The following PLEKHG4B variants were observed in gnomAD, a reference collection of about 807,000 sequenced individuals.
The protein encoded by PLEKHG4B is pleckstrin homology domain-containing family G member 4B.
Under a neutral mutation model 121.3 loss-of-function variants are expected in PLEKHG4B, and 111 were observed. The ratio of observed to expected loss-of-function variants is 0.92; its 90% CI spans 0.78 to 1.07. PLEKHG4B has a LOEUF of 1.07. PLEKHG4B is among the 50% of genes least tolerant of loss of function. The pLI is 0.00. For missense variants in PLEKHG4B, 1,831 were observed against 1,757.8 expected (o/e 1.04, Z -0.74); for synonymous variants, 738 against 725.0 (o/e 1.02, Z -0.29).
chr5:139,458 T>G lies in PLEKHG4B; in HGVS notation c.244-25T>G. 1 of 398,876 alleles carries G rather than the reference T, an allele frequency of 2.5e-6. No individual in the cohort carries two copies. Among genetic ancestry groups the G allele is most frequent in the Non-Finnish European group, 4.4e-6 (1 of 226,150 alleles). The allele number at this position is 398,876 out of a possible 1,614,324, so 24.7% of individuals were successfully genotyped here. On this transcript the variant is annotated intron_variant, in intron 2 of 19. Coordinates refer to ENST00000637938, the MANE Select transcript of PLEKHG4B (RefSeq NM_052909.5). This position sits in a 1 kb window ranked among gnomAD's most constrained non-coding sequence, Gnocchi z 5.0. ...CTCAGGACATGGCCGTGCCCACCAC[T>G]AACCTCCCTCCTCTCTTGTCTCAGG...
At position 140,638 on chromosome 5, in the gene PLEKHG4B, G is replaced by C. The variant is rs760749123; in HGVS notation, c.1399G>C (p.Gly467Arg). 2 of 1,609,362 alleles carry C rather than the reference G, an allele frequency of 1.2e-6. No individual in the cohort carries two copies. The highest frequency in any genetic ancestry group is 1.7e-5 in the Admixed American group (1 of 59,644). ...CCACCACTCAGCAGGCTCCAGGCCT[G>C]GGGGCCACCTAGGAGGACAAGCTGT... is the stretch of plus-strand genomic sequence containing the variant. ...TSHHSAGSRP[G>R]GHLGGQAVGT... The change falls in exon 3 of 20, where the codon GGG becomes CGG. Residue 467 changes from glycine to arginine, a missense_variant. Transcript: ENST00000637938.
At chr5:144,995 G>C (rs980941560) in intron 6 of PLEKHG4B, 75 bp downstream of exon 6, 7 of 1,407,328 alleles carry the variant, frequency 5.0e-6, no homozygotes, top group Non-Finnish European at 6.9e-6. Context: ...TGCCCACATC[G>C]TGGTTCTGGA....
At chr5:172,102 G>A (rs1396999031) in intron 16 of PLEKHG4B, among the ~76,000 whole-genome samples, 1 of 152,234 alleles carries the variant, frequency 6.6e-6, no homozygotes, top group Non-Finnish European at 1.5e-5. Flanking sequence ...GTGGAGGGTG[G>A]GACCCCACAT....
In PLEKHG4B at chr5:141,466, G is replaced by A. The variant is rs145640043; in HGVS notation, c.1477+750G>A. Among the ~76,000 whole-genome samples the A allele has an allele frequency of 1.6e-3, 236 of 150,018 alleles. 1 individual carries two copies. The Middle Eastern group carries it at 0.017, about 11-fold the overall frequency. On this transcript the variant is annotated intron_variant, in intron 3 of 19. Coordinates refer to ENST00000637938, the MANE Select transcript of PLEKHG4B (RefSeq NM_052909.5). ...GGCTGCAGCCCTCTGACCGTCCTCC[G>A]TGGCCTCCTCCCCAGTGCTTCTCTG...
intron 12 of PLEKHG4B, among the ~76,000 whole-genome samples, chr5:162,198 C>G (rs908782474): frequency 2.0e-5 from 3 of 151,910 alleles, no homozygotes; most frequent in Non-Finnish European, 2.9e-5. Flanking sequence ...TTTACTGGCT[C>G]AGTTAGAAAA....
In PLEKHG4B at chr5:139,816, A is replaced by G; in HGVS notation, c.577A>G (p.Ser193Gly). ...SGLAVHRAPW[S>G]DVTDPVFVPS... is the part of the protein sequence containing the mutation. ...CTTGGCCGTCCACCGAGCCCCGTGG[A>G]GCGACGTCACTGACCCTGTCTTTGT... is the stretch of plus-strand genomic sequence containing the variant. Residue 193 changes from serine (S) to glycine (G), a missense_variant, in exon 3 of 20, where the codon AGC becomes GGC. Physicochemically the swap from Ser to Gly is moderately conservative, Grantham distance 56. Transcript: ENST00000637938. The surrounding 1 kb of genome is among the most constrained non-coding windows in gnomAD (Gnocchi z 5.0). 1 of 398,210 alleles carries G rather than the reference A, an allele frequency of 2.5e-6. No homozygotes were observed. Among genetic ancestry groups the G allele is most frequent in the Non-Finnish European group, 4.4e-6 (1 of 226,108 alleles). 24.7% of individuals were successfully genotyped at this position (398,210 alleles called of 1,614,324 possible).
Position 182,081 on chromosome 5 carries a change from TCAGA to T in PLEKHG4B, c.4646_4649del (p.Asp1549AlafsTer55). 1 of 1,614,104 alleles carries T rather than the reference TCAGA, an allele frequency of 6.2e-7. No homozygotes were observed. Among genetic ancestry groups the T allele is most frequent in the Non-Finnish European group, 8.5e-7 (1 of 1,180,028 alleles). ...CTTCAAGCGACCACACTCCACCATC[TCAGA>T]CAGCAGCACCTCCTCTTCTAGCAGC... On this transcript the variant is annotated frameshift_variant, in exon 20 of 20. Coordinates refer to ENST00000637938, the MANE Select transcript of PLEKHG4B (RefSeq NM_052909.5). LOFTEE classifies it low-confidence loss of function (END_TRUNC).
At chr5:176,256 T>G (rs1277798816) in intron 18 of PLEKHG4B, among the ~76,000 whole-genome samples, 1 of 54,708 alleles carries the variant, frequency 1.8e-5, no homozygotes, top group East Asian at 3.6e-4. Context: ...TTCCTGGCCT[T>G]TTTCCTTCCT....
At chr5:96,197 G>T (rs1322974876) in intron 1 of PLEKHG4B, among the ~76,000 whole-genome samples, 1 of 152,154 alleles carries the variant, frequency 6.6e-6, no homozygotes, top group African/African-American at 2.4e-5. Context: ...GAAGGCCCTG[G>T]TCCTCACCTT....
intron 1 of PLEKHG4B, among the ~76,000 whole-genome samples, chr5:100,025 G>T (rs1042441253): frequency 6.6e-6 from 1 of 152,054 alleles, no homozygotes; most frequent in Non-Finnish European, 1.5e-5. Flanking sequence ...GTATTACATT[G>T]ATTGGTTTTC....
At chr5:170,547 G>A (rs555886849) in intron 14 of PLEKHG4B, among the ~76,000 whole-genome samples, 7 of 152,222 alleles carry the variant, frequency 4.6e-5, no homozygotes, top group East Asian at 1.9e-4. Context: ...TGATCCACCC[G>A]CTTCAGCCTC....
chr5:130,068 AGT>A (rs1491390179), intron 2 of PLEKHG4B, among the ~76,000 whole-genome samples: 3 of 134,344 alleles, frequency 2.2e-5, no homozygotes, highest in African/African-American at 2.5e-5. Context: ...ATGAAGAGAG[AGT>A]GAGAGAGAGA....
At position 108,240 on chromosome 5, in the gene PLEKHG4B, C is replaced by A. The variant is rs114139248; in HGVS notation, c.46-5011C>A. ...GCATTAGGAACCAGGGATGATGTGG[C>A]TTTTGGTGATTGCTGAACTCTTCAA... On this transcript the variant is annotated intron_variant, in intron 1 of 19. Coordinates refer to ENST00000637938, the MANE Select transcript of PLEKHG4B (RefSeq NM_052909.5). 2.5e-3 allele frequency among the ~76,000 whole-genome samples: 387 copies of A among 152,330 alleles called. 4 individuals are homozygous for A. The highest frequency in any genetic ancestry group is 8.9e-3 in the African/African-American group (371 of 41,560).
intron 18 of PLEKHG4B, among the ~76,000 whole-genome samples, chr5:178,883 TA>T (rs1736845173): frequency 6.6e-6 from 1 of 152,264 alleles, no homozygotes; most frequent in African/African-American, 2.4e-5. Context: ...CATGCTCCTA[TA>T]TACTTTAAAT....
In PLEKHG4B at chr5:173,911, A is replaced by T. The variant is rs201647297; in HGVS notation, c.4222-7A>T. On this transcript the variant is annotated splice_region_variant and splice_polypyrimidine_tract_variant and intron_variant, in intron 17 of 19. Coordinates refer to ENST00000637938, the MANE Select transcript of PLEKHG4B (RefSeq NM_052909.5). The stretch of plus-strand genomic sequence containing the variant: ...ATGGTGCTGCAATGGGTGTTTGCTG[A>T]CTGCAGACGGCCGAGATCGGGATGA... 1.9e-6 allele frequency: 3 copies of T among 1,612,364 alleles called. No individual in the cohort carries two copies. The highest frequency in any genetic ancestry group is 1.7e-4 in the Middle Eastern group (1 of 6,056).
chr5:169,632 G>A (rs960128735), intron 14 of PLEKHG4B, 40 bp downstream of exon 14: 3 of 1,603,090 alleles, frequency 1.9e-6, no homozygotes, highest in Non-Finnish European at 2.5e-6. Context: ...GCAACGTGGT[G>A]GGTGAAGCCG....
At chr5:172,853 G>A (rs752357535) in intron 16 of PLEKHG4B, 44 bp from the exon 17 acceptor site, 8 of 1,608,822 alleles carry the variant, frequency 5.0e-6, no homozygotes, top group Non-Finnish European at 6.8e-6. Flanking sequence ...CACCACAGAC[G>A]CCGGATTTTC....
At chr5:148,462 T>C (rs2126414484) in intron 6 of PLEKHG4B, among the ~76,000 whole-genome samples, 1 of 152,110 alleles carries the variant, frequency 6.6e-6, no homozygotes, top group Admixed American at 6.5e-5. Context: ...AAAAGGAAAT[T>C]AAGAAAACAG....
At chr5:104,437 A>G (rs1044155155) in intron 1 of PLEKHG4B, among the ~76,000 whole-genome samples, 2 of 152,226 alleles carry the variant, frequency 1.3e-5, no homozygotes, top group Non-Finnish European at 2.9e-5. Flanking sequence ...TATAATAAAC[A>G]TTTTTCTAAA....
Sources: gnomAD v4.1 joint callset for allele counts (sites outside exome capture counted in the v4.1 genomes callset) on GRCh38, gnomAD v4.1.1 for gene constraint, Gnocchi (gnomAD v3.1) non-coding constraint, MANE v1.5 for transcripts, NCBI Gene and HGNC (gene_info 2026-07-23, HGNC 2026-07-21) for gene names.